The following ARHGAP6 variants were observed in gnomAD, a reference collection of about 807,000 sequenced individuals.
ARHGAP6 encodes Rho GTPase activating protein 6.
Under a neutral mutation model 55.7 loss-of-function variants are expected in ARHGAP6, and 16 were observed. The ratio of observed to expected loss-of-function variants is 0.29; its 90% CI spans 0.19 to 0.44. ARHGAP6 has a LOEUF of 0.44. Ranked by LOEUF, ARHGAP6 falls within the 20% of genes least tolerant of loss-of-function variation. The pLI is 1.00. For missense variants in ARHGAP6, 698 were observed against 808.9 expected (o/e 0.86, Z 1.66); for synonymous variants, 382 against 360.9 (o/e 1.06, Z -0.66).
chrX:11,660,563 AAAAAAAAAAAAAAAAC>A (rs2052689946), intron 1 of ARHGAP6, among the ~76,000 whole-genome samples: 2 of 94,037 alleles, frequency 2.1e-5, no homozygotes. Context: ...AAAAAAAAAA[AAAAAAAAAAAAAAAAC>A]CCAACAGGTC....
chrX:11,303,457 T>C (rs148658132), intron 1 of ARHGAP6, among the ~76,000 whole-genome samples: 42 of 111,935 alleles, frequency 3.8e-4, no homozygotes, highest in African/African-American at 1.3e-3. Flanking sequence ...TCATTTGGGT[T>C]CGAAACATTT....
intron 1 of ARHGAP6, among the ~76,000 whole-genome samples, chrX:11,337,152 T>C (rs2048647994): frequency 9.0e-6 from 1 of 110,565 alleles, no homozygotes; most frequent in African/African-American, 3.3e-5. Context: ...TTTCATTTTG[T>C]AGGAAAAAAA....
chrX:11,420,435 G>A (rs1012706027), intron 1 of ARHGAP6, among the ~76,000 whole-genome samples: 4 of 111,578 alleles, frequency 3.6e-5, no homozygotes, highest in African/African-American at 1.3e-4. Context: ...ACCCAAGACC[G>A]TTAAATCTAT....
At chrX:11,385,112 T>A (rs1224933002) in intron 1 of ARHGAP6, among the ~76,000 whole-genome samples, 1 of 111,476 alleles carries the variant, frequency 9.0e-6, no homozygotes, top group African/African-American at 3.3e-5. Context: ...AAAGGCCCAG[T>A]GGGATTGAGG....
chrX:11,139,005 C>T lies in ARHGAP6; in HGVS notation c.2783G>A (p.Ser928Asn), dbSNP rs151087838. The part of the protein sequence containing the change: ...EQQVTQKKLS[S>N]ANSLPAGEQD... ...CTCGCCCGCTGGCAGGGAGTTGGCGCTGCTCAGTTTTTTCTGCGTGACCTG... is the reference window on the plus strand; with the variant it reads ...CTCGCCCGCTGGCAGGGAGTTGGCGTTGCTCAGTTTTTTCTGCGTGACCTG... The change falls in exon 13 of 13, where the codon AGC becomes AAC. Residue 928 changes from serine to asparagine, a missense_variant. Ser to Asn is a conservative substitution (Grantham distance 46). This residue lies in a region of ARHGAP6 where 212 missense variants were observed against 208.7 expected (regional missense o/e 1.02). Coordinates refer to ENST00000337414, the MANE Select transcript of ARHGAP6 (RefSeq NM_013427.3). The T allele has an allele frequency of 1.4e-5, 17 of 1,207,022 alleles. No homozygotes were observed. The African/African-American group carries it at 2.8e-4, about 20-fold the overall frequency.
chrX:11,141,493 A>AC (rs2045617477), intron 12 of ARHGAP6, among the ~76,000 whole-genome samples: 1 of 112,898 alleles, frequency 8.9e-6, no homozygotes, highest in Admixed American at 9.3e-5. Context: ...TAACAATTCA[A>AC]TGGGGGGAAG....
At chrX:11,236,027 C>T (rs1328221399) in intron 2 of ARHGAP6, among the ~76,000 whole-genome samples, 2 of 111,967 alleles carry the variant, frequency 1.8e-5, no homozygotes, top group South Asian at 3.7e-4. Context: ...TCCGCATTTT[C>T]GGGTATCCTT....
At chrX:11,267,119 C>A (rs1424909706) in intron 1 of ARHGAP6, among the ~76,000 whole-genome samples, 1 of 111,981 alleles carries the variant, frequency 8.9e-6, no homozygotes, top group South Asian at 3.7e-4. Flanking sequence ...ACTGGATACT[C>A]ATCAATGGAA....
At chrX:11,230,363 A>G (rs779343490) in intron 2 of ARHGAP6, among the ~76,000 whole-genome samples, 20 of 110,514 alleles carry the variant, frequency 1.8e-4, no homozygotes, top group Non-Finnish European at 3.0e-4. Context: ...ACACCCAGCT[A>G]ATTTTTGTAT....
At chrX:11,373,686 G>T (rs141576839) in intron 1 of ARHGAP6, among the ~76,000 whole-genome samples, 1 of 112,164 alleles carries the variant, frequency 8.9e-6, no homozygotes, top group African/African-American at 3.2e-5. Flanking sequence ...GGCTGCAATG[G>T]AATGGAATGA....
intron 1 of ARHGAP6, among the ~76,000 whole-genome samples, chrX:11,589,529 T>C (rs1284151238): frequency 9.2e-6 from 1 of 109,125 alleles, no homozygotes; most frequent in Non-Finnish European, 1.9e-5. Context: ...TGAGAAAATA[T>C]ACTTACTTGG....
At chrX:11,444,639 G>A (rs954790112) in intron 1 of ARHGAP6, among the ~76,000 whole-genome samples, 1 of 111,925 alleles carries the variant, frequency 8.9e-6, no homozygotes, top group African/African-American at 3.3e-5. Flanking sequence ...CCTTTTGAAT[G>A]GTGTGGTCCC....
chrX:11,492,981 C>T lies in ARHGAP6; in HGVS notation c.588+171260G>A, dbSNP rs917865606. 2.7e-5 allele frequency among the ~76,000 whole-genome samples: 3 copies of T among 111,831 alleles called. No homozygotes were observed. In the East Asian group the frequency reaches 8.4e-4, roughly 31 times the overall value. On this transcript the variant is annotated intron_variant, in intron 1 of 12. Transcript: ENST00000337414. ...GTGACCACCAGAGTGACCTGAGGGA[C>T]TATGTTGAAGATGGCAAAGCCAGTG... is the stretch of plus-strand genomic sequence containing the variant.
intron 1 of ARHGAP6, among the ~76,000 whole-genome samples, chrX:11,491,105 T>G (rs866816764): frequency 8.9e-6 from 1 of 112,208 alleles, no homozygotes; most frequent in Non-Finnish European, 1.9e-5. Flanking sequence ...AATTTGTCTC[T>G]AGACTTGGAA....
At chrX:11,400,092 T>C (rs964547305) in intron 1 of ARHGAP6, among the ~76,000 whole-genome samples, 3 of 112,096 alleles carry the variant, frequency 2.7e-5, no homozygotes, top group African/African-American at 9.7e-5. Flanking sequence ...GGTGGTTGGC[T>C]GCTAATGAAT....
chrX:11,623,231 G>C (rs970178059), intron 1 of ARHGAP6, among the ~76,000 whole-genome samples: 1 of 111,502 alleles, frequency 9.0e-6, no homozygotes, highest in African/African-American at 3.3e-5. Context: ...AACAGATTCA[G>C]TAAAGTTGTA....
At chrX:11,145,703 G>T (rs1296978425) in intron 10 of ARHGAP6, among the ~76,000 whole-genome samples, 1 of 112,318 alleles carries the variant, frequency 8.9e-6, no homozygotes, top group Non-Finnish European at 1.9e-5. Flanking sequence ...TACACCATTT[G>T]TGGAGCCCAG....
At chrX:11,374,953 C>T (rs926232749) in intron 1 of ARHGAP6, among the ~76,000 whole-genome samples, 1 of 112,024 alleles carries the variant, frequency 8.9e-6, no homozygotes, top group Non-Finnish European at 1.9e-5. Flanking sequence ...ATATTATATA[C>T]TTATTGGCTT....
In ARHGAP6 at chrX:11,572,808, G is replaced by C. The variant is rs776877648; in HGVS notation, c.588+91433C>G. On this transcript the variant is annotated intron_variant, in intron 1 of 12. Coordinates refer to ENST00000337414, the MANE Select transcript of ARHGAP6 (RefSeq NM_013427.3). ...GAACTAGTTTACAGTCCCACCAACA[G>C]TGTAAAAGTGTTCCTATTTCTCCAT... 3.5e-3 allele frequency among the ~76,000 whole-genome samples: 387 copies of C among 111,642 alleles called. 1 individual carries two copies. The highest frequency in any genetic ancestry group is 9.2e-3 in the Middle Eastern group (2 of 217).
Sources: allele counts gnomAD v4.1 joint callset (sites outside exome capture counted in the v4.1 genomes callset), GRCh38; gene constraint gnomAD v4.1.1; regional missense constraint gnomAD v4.1.1; transcripts MANE v1.5; gene names NCBI Gene and HGNC (gene_info 2026-07-23, HGNC 2026-07-21).